Variants in PDE1A observed in about 807,000 individuals in gnomAD.
The protein encoded by PDE1A is phosphodiesterase 1A, also known as dual specificity calcium/calmodulin-dependent 3',5'-cyclic nucleotide phosphodiesterase 1A.
PDE1A carries 35 observed loss-of-function variants against 61.7 expected under a neutral mutation model. The observed-to-expected ratio is 0.57, with a 90% confidence interval of 0.43 to 0.75. The LOEUF is 0.75. Among genes scored for constraint, PDE1A ranks in the 30% least tolerant of loss-of-function variants. PDE1A has a pLI of 0.00. For missense variants in PDE1A, 597 were observed against 630.6 expected (o/e 0.95, Z 0.57); for synonymous variants, 232 against 213.2 (o/e 1.09, Z -0.77).
the PDE1A span, among the ~76,000 whole-genome samples, chr2:182,556,224 A>T: frequency 6.6e-6 from 1 of 152,134 alleles, no homozygotes; most frequent in Non-Finnish European, 1.5e-5. Flanking sequence ...AAACCTTTGG[A>T]AATAACTATT....
At chr2:182,246,394 C>CTTTTTTTTTTTTTTT in intron 2 of PDE1A, among the ~76,000 whole-genome samples, 1 of 105,366 alleles carries the variant, frequency 9.5e-6, no homozygotes, top group South Asian at 3.5e-4. Context: ...AGTCTTTTTT[C>CTTTTTTTTTTTTTTT]TTTTTTCTTT....
At chr2:182,627,170 A>T in the PDE1A span, among the ~76,000 whole-genome samples, 932 of 16,122 alleles carry the variant, frequency 0.058, 137 homozygotes, top group Middle Eastern at 0.28. Flanking sequence ...AATATAAATA[A>T]TATTTATATA....
the PDE1A span, among the ~76,000 whole-genome samples, chr2:182,551,801 G>A: frequency 6.6e-6 from 1 of 152,150 alleles, no homozygotes; most frequent in Non-Finnish European, 1.5e-5. Flanking sequence ...AGTGAGGATT[G>A]GCAACTCACT....
chr2:182,516,702 G>GGAAGGAAGGAAGGA (rs1690179893), intron 2 of PDE1A, among the ~76,000 whole-genome samples: 11 of 116,846 alleles, frequency 9.4e-5, no homozygotes, highest in South Asian at 6.5e-4. Flanking sequence ...GGGAGGAAGG[G>GGAAGGAAGGAAGGA]AGGAAGGAAG....
At chr2:182,634,668 G>A in the PDE1A span, among the ~76,000 whole-genome samples, 1 of 152,114 alleles carries the variant, frequency 6.6e-6, no homozygotes, top group Non-Finnish European at 1.5e-5. Context: ...TTCACATGGG[G>A]AGCATTATGC....
In PDE1A at chr2:182,217,864, T is replaced by C. The variant is rs371944373; in HGVS notation, c.776+6000A>G. Among the ~76,000 whole-genome samples the C allele has an allele frequency of 9.2e-5, 14 of 152,076 alleles. No individual in the cohort carries two copies. In the East Asian group the frequency reaches 2.7e-3, roughly 30 times the overall value. On this transcript the variant is annotated intron_variant, in intron 7 of 13. Coordinates refer to ENST00000351439, the Ensembl canonical transcript of PDE1A. ...ACCATTGTGGAATTCAGTGTGGAGA[T>C]TCCTCAGGGATCTAGAACTGGAAAT...
intron 1 of PDE1A, among the ~76,000 whole-genome samples, chr2:182,327,211 G>A (rs902757962): frequency 2.6e-5 from 4 of 152,114 alleles, no homozygotes; most frequent in African/African-American, 9.7e-5. Context: ...TCAATGCTGT[G>A]GAAAAATTAA....
intron 1 of PDE1A, among the ~76,000 whole-genome samples, chr2:182,324,139 C>A (rs1313905411): frequency 3.3e-5 from 5 of 152,016 alleles, no homozygotes; most frequent in Non-Finnish European, 5.9e-5. Flanking sequence ...TGCTTCATTT[C>A]ATTTGAATCT....
chr2:182,487,982 A>T (rs1688123484), intron 2 of PDE1A, among the ~76,000 whole-genome samples: 1 of 152,236 alleles, frequency 6.6e-6, no homozygotes. Flanking sequence ...CAAGATCTGA[A>T]TATACCACTG....
chr2:182,679,339 A>G, the PDE1A span, among the ~76,000 whole-genome samples: 1 of 146,224 alleles, frequency 6.8e-6, no homozygotes, highest in African/African-American at 2.5e-5. Context: ...GCCCGCCACC[A>G]TGCTCAGCTA....
chr2:182,278,853 A>G (rs1214889074), intron 1 of PDE1A, among the ~76,000 whole-genome samples: 1 of 152,016 alleles, frequency 6.6e-6, no homozygotes. Context: ...TTCTTTTTAC[A>G]ATTTTTAACT....
At chr2:182,612,258 A>G in the PDE1A span, among the ~76,000 whole-genome samples, 1 of 152,222 alleles carries the variant, frequency 6.6e-6, no homozygotes, top group Non-Finnish European at 1.5e-5. Flanking sequence ...AGACAAAGAT[A>G]TCAATTTCAC....
At chr2:182,154,059 AT>A (rs1011161140) in intron 13 of PDE1A, among the ~76,000 whole-genome samples, 2 of 152,242 alleles carry the variant, frequency 1.3e-5, no homozygotes, top group African/African-American at 4.8e-5. Context: ...CTTGGAAAAA[AT>A]AATCTGTAAA....
chr2:182,397,150 C>G (rs76246645), intron 1 of PDE1A, among the ~76,000 whole-genome samples: 1 of 151,958 alleles, frequency 6.6e-6, no homozygotes, highest in Non-Finnish European at 1.5e-5. Context: ...TTCATTTCAA[C>G]GATACATACA....
chr2:182,587,479 C>T, the PDE1A span, among the ~76,000 whole-genome samples: 1 of 152,172 alleles, frequency 6.6e-6, no homozygotes, highest in African/African-American at 2.4e-5. Flanking sequence ...ACAATTTAAA[C>T]TAAAATGATT....
At chr2:182,212,071 T>A (rs1687654392) in intron 7 of PDE1A, among the ~76,000 whole-genome samples, 1 of 152,124 alleles carries the variant, frequency 6.6e-6, no homozygotes, top group Admixed American at 6.5e-5. Context: ...GGGGACATCT[T>A]CCCTTGTTCA....
intron 1 of PDE1A, among the ~76,000 whole-genome samples, chr2:182,395,791 T>G (rs900850450): frequency 2.0e-5 from 3 of 152,188 alleles, no homozygotes; most frequent in Non-Finnish European, 2.9e-5. Context: ...AGCAGAGGCC[T>G]CTAGGATTTG....
chr2:182,230,124 G>A (rs369452974), exon 6 of PDE1A: 12 of 1,612,328 alleles, frequency 7.4e-6, no homozygotes, highest in Non-Finnish European at 1.0e-5. Flanking sequence ...TTCTGCAAAG[G>A]TGATTAGGCA....
intron 1 of PDE1A, among the ~76,000 whole-genome samples, chr2:182,399,891 G>T (rs890856261): frequency 6.6e-6 from 1 of 151,996 alleles, no homozygotes; most frequent in Non-Finnish European, 1.5e-5. Context: ...ATCAAGAGAT[G>T]GTCCTAGATA....
Sources: allele counts gnomAD v4.1 joint callset (sites outside exome capture counted in the v4.1 genomes callset), GRCh38; gene constraint gnomAD v4.1.1; transcripts MANE v1.5; gene names NCBI Gene and HGNC (gene_info 2026-07-23, HGNC 2026-07-21).